Variants in SLC41A2 observed in about 807,000 individuals in gnomAD.
SLC41A2 encodes the protein SLC41A1-like 1.
Under a neutral mutation model 58.3 loss-of-function variants are expected in SLC41A2, and 32 were observed. That is an observed-to-expected ratio of 0.55 (90% CI 0.41 to 0.74). SLC41A2 has a LOEUF of 0.74. Ranked by LOEUF, SLC41A2 falls within the 30% of genes least tolerant of loss-of-function variation. SLC41A2 has a pLI of 0.00. For missense variants in SLC41A2, 514 were observed against 680.6 expected (o/e 0.76, Z 2.72); for synonymous variants, 190 against 235.0 (o/e 0.81, Z 1.75).
intron 10 of SLC41A2, among the ~76,000 whole-genome samples, chr12:104,809,144 T>C (rs2041058918): frequency 6.6e-6 from 1 of 152,220 alleles, no homozygotes; most frequent in Admixed American, 6.5e-5. Flanking sequence ...AATAATATAC[T>C]AAATAATTCA....
intron 6 of SLC41A2, among the ~76,000 whole-genome samples, chr12:104,872,235 T>C (rs1378243068): frequency 6.6e-6 from 1 of 152,214 alleles, no homozygotes; most frequent in Non-Finnish European, 1.5e-5. Context: ...GAGGCCTAAA[T>C]ACCAGGGTAA....
At chr12:104,882,373 G>T (rs896504506) in intron 6 of SLC41A2, among the ~76,000 whole-genome samples, 18 of 151,678 alleles carry the variant, frequency 1.2e-4, no homozygotes, top group African/African-American at 4.4e-4. Flanking sequence ...ATGTTCGCTG[G>T]TTTTTTTTGC....
At chr12:104,914,347 A>G (rs1218450248) in intron 2 of SLC41A2, among the ~76,000 whole-genome samples, 1 of 152,232 alleles carries the variant, frequency 6.6e-6, no homozygotes, top group African/African-American at 2.4e-5. Context: ...CTAATGGGGT[A>G]TAAGTACCTG....
chr12:104,826,108 C>G (rs2041835428), intron 10 of SLC41A2, among the ~76,000 whole-genome samples: 1 of 152,136 alleles, frequency 6.6e-6, no homozygotes, highest in Admixed American at 6.5e-5. Flanking sequence ...AGCCTCTATT[C>G]CCTGTCTTTC....
At chr12:104,812,917 G>A (rs1414246695) in intron 10 of SLC41A2, among the ~76,000 whole-genome samples, 2 of 152,118 alleles carry the variant, frequency 1.3e-5, no homozygotes, top group Non-Finnish European at 2.9e-5. Flanking sequence ...GGTGGCTCAC[G>A]CCTGTAATCC....
In SLC41A2 at chr12:104,886,247, AAG is replaced by A. The variant is rs1334154255; in HGVS notation, c.1027+44_1027+45del. On this transcript the variant is annotated intron_variant, in intron 6 of 10. Transcript: ENST00000258538. Reference sequence around the variant, plus strand: ...GCATTGCTGCAACAATATTTATTTAAAGAGACTTGAGACAACACACAATATTT... The same window carrying A: ...GCATTGCTGCAACAATATTTATTTAAAGACTTGAGACAACACACAATATTT... The A allele has an allele frequency of 4.4e-6, 7 of 1,588,636 alleles. No homozygotes were observed. The Admixed American group carries it at 5.3e-5, about 12-fold the overall frequency.
At chr12:104,887,911 C>A (rs1344539598) in intron 5 of SLC41A2, among the ~76,000 whole-genome samples, 2 of 152,012 alleles carry the variant, frequency 1.3e-5, no homozygotes, top group East Asian at 3.8e-4. Flanking sequence ...TTAGAACACA[C>A]ATTATTCAAA....
intron 1 of SLC41A2, among the ~76,000 whole-genome samples, chr12:104,946,622 T>C (rs2047728254): frequency 6.6e-6 from 1 of 152,204 alleles, no homozygotes; most frequent in Non-Finnish European, 1.5e-5. Context: ...AAAGTTGTAT[T>C]ATTCACATGG....
chr12:104,805,876 T>C (rs559601725), intron 10 of SLC41A2, among the ~76,000 whole-genome samples: 1 of 152,268 alleles, frequency 6.6e-6, no homozygotes, highest in Admixed American at 6.5e-5. Context: ...TATGTAGTTA[T>C]AGATAGATAT....
At chr12:104,955,404 T>C (rs1458260502) in intron 1 of SLC41A2, among the ~76,000 whole-genome samples, 1 of 152,188 alleles carries the variant, frequency 6.6e-6, no homozygotes, top group Non-Finnish European at 1.5e-5. Flanking sequence ...AGGTGGTGTC[T>C]GATCACTCTG....
intron 10 of SLC41A2, among the ~76,000 whole-genome samples, chr12:104,826,881 G>A (rs1015900513): frequency 1.3e-5 from 2 of 152,176 alleles, no homozygotes; most frequent in Non-Finnish European, 2.9e-5. Flanking sequence ...GAGAGATTTG[G>A]GGATGAGCTT....
chr12:104,819,484 G>A (rs1338740679), intron 10 of SLC41A2, among the ~76,000 whole-genome samples: 1 of 151,970 alleles, frequency 6.6e-6, no homozygotes, highest in Non-Finnish European at 1.5e-5. Flanking sequence ...AAATATTAAA[G>A]GTACGTACAA....
intron 1 of SLC41A2, 59 bp from the exon 2 acceptor site, chr12:104,928,753 T>C (rs1048488483): frequency 1.3e-5 from 5 of 375,624 alleles, no homozygotes; most frequent in Admixed American, 4.1e-5. Flanking sequence ...AGTATCAAGA[T>C]AGATACTTCA....
At chr12:104,852,493 CT>C (rs2042838362) in intron 8 of SLC41A2, among the ~76,000 whole-genome samples, 2 of 152,146 alleles carry the variant, frequency 1.3e-5, no homozygotes, top group African/African-American at 4.8e-5. Flanking sequence ...GTTGGTAAAA[CT>C]TTATAAAACT....
intron 2 of SLC41A2, among the ~76,000 whole-genome samples, chr12:104,921,001 T>C (rs1236591885): frequency 1.3e-5 from 2 of 151,698 alleles, no homozygotes; most frequent in African/African-American, 4.8e-5. Context: ...TGGTCCCAAC[T>C]ACTTAGGAAC....
intron 1 of SLC41A2, among the ~76,000 whole-genome samples, chr12:104,933,010 T>C (rs2047128221): frequency 2.6e-5 from 4 of 151,420 alleles, no homozygotes. Context: ...TAAAAGCAAA[T>C]GCAATAAAAA....
chr12:104,884,120 G>A (rs1186319892), intron 6 of SLC41A2, among the ~76,000 whole-genome samples: 2 of 152,196 alleles, frequency 1.3e-5, no homozygotes, highest in Non-Finnish European at 2.9e-5. Context: ...CAGTGAGCAA[G>A]GCTCCATGGG....
At chr12:104,947,217 T>TTTTTTTTTTTTA in intron 1 of SLC41A2, among the ~76,000 whole-genome samples, 1 of 144,454 alleles carries the variant, frequency 6.9e-6, no homozygotes, top group Non-Finnish European at 1.5e-5. Context: ...TTTTTTTTTT[T>TTTTTTTTTTTTA]TTTTGAGACA....
At chr12:104,853,911 A>ATTATTATTATTTTTTT in intron 8 of SLC41A2, among the ~76,000 whole-genome samples, 790 of 59,426 alleles carry the variant, frequency 0.013, 54 homozygotes, top group Middle Eastern at 0.035. Context: ...TGCCTGGCTG[A>ATTATTATTATTTTTTT]TTTTTTTTTT....
Sources: gnomAD v4.1 joint callset for allele counts (sites outside exome capture counted in the v4.1 genomes callset) on GRCh38, gnomAD v4.1.1 for gene constraint, MANE v1.5 for transcripts, NCBI Gene and HGNC (gene_info 2026-07-23, HGNC 2026-07-21) for gene names.